TPCN1: variants seen among roughly 807,000 people sequenced by gnomAD.
TPCN1 encodes the protein two pore channel protein 1.
A neutral mutation model predicts 108.8 loss-of-function variants in TPCN1; 52 were observed. That is an observed-to-expected ratio of 0.48 (90% CI 0.38 to 0.60). TPCN1 has a LOEUF of 0.60. Ranked by LOEUF, TPCN1 falls within the 20% of genes least tolerant of loss-of-function variation. The pLI is 0.00. For synonymous variants in TPCN1, 446 were observed against 433.7 expected (o/e 1.03, Z -0.35); for missense variants, 806 against 1,072.8 (o/e 0.75, Z 3.47).
intron 18 of TPCN1, among the ~76,000 whole-genome samples, chr12:113,286,291 C>T (rs544377220): frequency 4.6e-5 from 7 of 152,234 alleles, no homozygotes; most frequent in Admixed American, 2.6e-4. Context: ...ATGCTCCCCC[C>T]CTTCCTTGAT....
At position 113,295,210 on chromosome 12, in the gene TPCN1, C is replaced by G. The variant is rs537163152; in HGVS notation, c.2335-750C>G. 5.3e-5 allele frequency among the ~76,000 whole-genome samples: 8 copies of G among 152,304 alleles called. No individual in the cohort carries two copies. The East Asian group carries it at 1.5e-3, about 29-fold the overall frequency. The stretch of plus-strand genomic sequence containing the variant: ...CTGCCTGTCCATCTGCTCCAGGCCT[C>G]AGTTTCCCCCTCTGTAAAACAAGGG... On this transcript the variant is annotated intron_variant, in intron 27 of 27. Transcript: ENST00000335509.
chr12:113,241,538 C>T lies in TPCN1; in HGVS notation c.112+14574C>T, dbSNP rs1010241934. ...GCTTGAGTCTCAAGCCAAACTTGTTCTTCCGAGCACTGGCTTTCTGCTGAC... is the reference window on the plus strand; with the variant it reads ...GCTTGAGTCTCAAGCCAAACTTGTTTTTCCGAGCACTGGCTTTCTGCTGAC... On this transcript the variant is annotated intron_variant, in intron 2 of 27. Transcript: ENST00000335509. Among the ~76,000 whole-genome samples, 9 of 152,252 alleles carry T rather than the reference C, an allele frequency of 5.9e-5. 1 individual carries two copies. The highest frequency in any genetic ancestry group is 4.6e-4 in the Admixed American group (7 of 15,286).
chr12:113,253,357 C>T (rs532925053), intron 2 of TPCN1, among the ~76,000 whole-genome samples: 2 of 152,180 alleles, frequency 1.3e-5, no homozygotes, highest in Non-Finnish European at 2.9e-5. Context: ...TTATCTGTTG[C>T]CCTTGTATCA....
intron 2 of TPCN1, chr12:113,244,822 C>G: frequency 2.1e-6 from 2 of 936,804 alleles, no homozygotes; most frequent in Non-Finnish European, 2.5e-6. Flanking sequence ...GAAACTGAGG[C>G]TCTGGGGATT....
intron 2 of TPCN1, among the ~76,000 whole-genome samples, chr12:113,246,283 A>G (rs1334202819): frequency 6.6e-6 from 1 of 152,212 alleles, no homozygotes; most frequent in Non-Finnish European, 1.5e-5. Flanking sequence ...TTTAGTGGCC[A>G]AAGTCTGCAG....
intron 2 of TPCN1, among the ~76,000 whole-genome samples, chr12:113,252,134 G>T (rs1484497384): frequency 2.0e-5 from 3 of 152,184 alleles, no homozygotes; most frequent in African/African-American, 7.2e-5. Context: ...TCAGTTGAAT[G>T]GAACTGTCCT....
Position 113,292,943 on chromosome 12 carries a change from G to C in TPCN1, c.2123G>C (p.Gly708Ala). ...CCTTCCATCCCTGCAGTTGATGGTG[G>C]CATCACCCTTGAGAAGGAAATCTCC... ...RKNQDSEVDG[G>A]ITLEKEISKE... Residue 708 changes from glycine to alanine, a missense_variant, in exon 26 of 28, where the codon GGC (glycine) becomes GCC (alanine). By Grantham distance (60) the Gly-to-Ala change is moderately conservative. Transcript: ENST00000335509. 1.2e-6 allele frequency: 2 copies of C among 1,612,200 alleles called. No individual in the cohort carries two copies. The highest frequency in any genetic ancestry group is 1.7e-6 in the Non-Finnish European group (2 of 1,179,704).
intron 3 of TPCN1, among the ~76,000 whole-genome samples, chr12:113,263,922 A>G (rs1450489179): frequency 6.6e-6 from 1 of 152,104 alleles, no homozygotes; most frequent in African/African-American, 2.4e-5. Flanking sequence ...CATGGGTGAT[A>G]TTTCCATCTG....
intron 7 of TPCN1, among the ~76,000 whole-genome samples, chr12:113,271,398 TC>T (rs1307368168): frequency 1.3e-5 from 2 of 152,200 alleles, no homozygotes; most frequent in African/African-American, 4.8e-5. Context: ...ATTCCCGCTT[TC>T]CCCAAAGGTA....
At chr12:113,245,941 C>A (rs1954363928) in intron 2 of TPCN1, 1 of 455,972 alleles carries the variant, frequency 2.2e-6, no homozygotes, top group Non-Finnish European at 4.4e-6. Flanking sequence ...CTCCAGCAAA[C>A]AGAAACCTTG....
chr12:113,268,698 C>G lies in TPCN1; in HGVS notation c.529-44C>G, dbSNP rs765843018. On this transcript the variant is annotated intron_variant, in intron 5 of 27. Transcript: ENST00000335509. The surrounding 1 kb of genome is among the most constrained non-coding windows in gnomAD (Gnocchi z 7.3). ...CCGTTCCAGGTATGCAGGATGACGG[C>G]TGGGCTGCAGGGGCTGACGGTGCTC... The G allele has an allele frequency of 6.2e-7, 1 of 1,607,830 alleles. No individual in the cohort carries two copies. Among genetic ancestry groups the G allele is most frequent in the South Asian group, 1.1e-5 (1 of 90,670 alleles).
At position 113,231,337 on chromosome 12, in the gene TPCN1, G is replaced by A. The variant is rs1234300276; in HGVS notation, c.112+4373G>A. ...CTTGCGAAGCCTCTTTCCTTGGCTC[G>A]CAAATGGTTATCTTCTTGCTGTGTC... On this transcript the variant is annotated intron_variant, in intron 2 of 27. Transcript: ENST00000335509. The surrounding 1 kb of genome is among the most constrained non-coding windows in gnomAD (Gnocchi z 4.3). Among the ~76,000 whole-genome samples the A allele has an allele frequency of 5.3e-5, 8 of 152,268 alleles. No homozygotes were observed. The highest frequency in any genetic ancestry group is 4.1e-4 in the South Asian group (2 of 4,822).
chr12:113,285,849 T>G (rs748001248), intron 17 of TPCN1, 40 bp from the exon 18 acceptor site: 2 of 1,502,344 alleles, frequency 1.3e-6, no homozygotes, highest in Admixed American at 1.9e-5. Context: ...TGGGGGAGGA[T>G]GTGGCGGGGC....
chr12:113,241,785 T>TGTGC (rs1954139374), intron 2 of TPCN1, among the ~76,000 whole-genome samples: 1 of 151,202 alleles, frequency 6.6e-6, no homozygotes, highest in Non-Finnish European at 1.5e-5. Flanking sequence ...TGTGTGTGTG[T>TGTGC]GTGTGTGTGC....
At chr12:113,255,313 A>G (rs894934731) in intron 2 of TPCN1, among the ~76,000 whole-genome samples, 2 of 152,202 alleles carry the variant, frequency 1.3e-5, no homozygotes, top group African/African-American at 4.8e-5. Context: ...CGGAAATATA[A>G]AAGACTTAGT....
chr12:113,246,192 C>CT (rs1228161722), intron 2 of TPCN1: 1 of 379,736 alleles, frequency 2.6e-6, no homozygotes, highest in Non-Finnish European at 5.4e-6. Context: ...TTCCCGTCCT[C>CT]TGAGTGGTTT....
chr12:113,253,607 G>A (rs919190368), intron 2 of TPCN1, among the ~76,000 whole-genome samples: 2 of 152,174 alleles, frequency 1.3e-5, no homozygotes, highest in African/African-American at 4.8e-5. Flanking sequence ...TCTTCTGTCT[G>A]CACCAGCTGC....
At position 113,296,025 on chromosome 12, in the gene TPCN1, C is replaced by G. The variant is rs61943642; in HGVS notation, c.2400C>G (p.Pro800=). 6.2e-7 allele frequency: 1 copy of G among 1,613,112 alleles called. No individual in the cohort carries two copies. The change falls in exon 28 of 28, where the codon CCC becomes CCG. Residue 800 remains proline (P), a synonymous_variant. Transcript: ENST00000335509. ...QQRQLSSSAA[P]AAQQPPGSRQ... ...GACAACTCAGCAGCAGTGCAGCCCC[C>G]GCCGCCCAGCAGCCCCCAGGCAGCC...
intron 22 of TPCN1, 69 bp from the exon 23 acceptor site, chr12:113,290,883 A>G: frequency 1.3e-6 from 2 of 1,483,612 alleles, no homozygotes; most frequent in Non-Finnish European, 9.4e-7. Flanking sequence ...ATAGGTGGCA[A>G]GAGGCCACTT....
Sources: gnomAD v4.1 joint callset for allele counts (sites outside exome capture counted in the v4.1 genomes callset) on GRCh38, gnomAD v4.1.1 for gene constraint, Gnocchi (gnomAD v3.1) non-coding constraint, MANE v1.5 for transcripts, NCBI Gene and HGNC (gene_info 2026-07-23, HGNC 2026-07-21) for gene names.